DNAH7: variants seen among roughly 807,000 people sequenced by gnomAD.
DNAH7 encodes the protein axonemal beta dynein heavy chain 7.
DNAH7 carries 397 observed loss-of-function variants against 444.6 expected under a neutral mutation model. The observed-to-expected ratio is 0.89, with a 90% CI of 0.82 to 0.97. DNAH7 has a LOEUF of 0.97. Among genes scored for constraint, DNAH7 ranks in the 50% least tolerant of loss-of-function variants. The pLI, the probability that DNAH7 is intolerant of heterozygous loss-of-function variation, is 0.00. For missense variants in DNAH7, 4,902 were observed against 4,800.8 expected (o/e 1.02, Z -0.62); for synonymous variants, 1,636 against 1,624.4 (o/e 1.01, Z -0.17).
chr2:195,960,828 C>A lies in DNAH7; in HGVS notation c.2323G>T (p.Glu775Ter). ...PYLRLYETAV[E>*]FSSNYRAWTE... ...CATGCTCTATAGTTGCTGCTAAATT[C>A]GACAGCAGTTTCATAAAGACGAAGA... Residue 775 changes from glutamate (E) to a stop codon, truncating the protein, a stop_gained, in exon 18 of 65, where the codon GAA becomes TAA. Transcript: ENST00000312428. LOFTEE classifies it high-confidence loss of function. 6.2e-7 allele frequency: 1 copy of A among 1,614,028 alleles called. No homozygotes were observed. The highest frequency in any genetic ancestry group is 8.5e-7 in the Non-Finnish European group (1 of 1,180,014).
Position 195,768,432 on chromosome 2 carries a change from G to A in DNAH7, c.11433+3228C>T, listed in dbSNP as rs182922158. 2.2e-4 allele frequency among the ~76,000 whole-genome samples: 34 copies of A among 151,626 alleles called. 1 individual carries two copies. The East Asian group carries it at 5.6e-3, about 25-fold the overall frequency. On this transcript the variant is annotated intron_variant, in intron 61 of 64. Coordinates refer to ENST00000312428, the MANE Select transcript of DNAH7 (RefSeq NM_018897.3). ...AAACTATCTCACTCTTAATTGATGGGCATTTCATCGTGTATATTATCATAA... is the reference window on the plus strand; with the variant it reads ...AAACTATCTCACTCTTAATTGATGGACATTTCATCGTGTATATTATCATAA...
intron 48 of DNAH7, among the ~76,000 whole-genome samples, chr2:195,831,233 C>A (rs1200508998): frequency 6.6e-6 from 1 of 152,110 alleles, no homozygotes; most frequent in Non-Finnish European, 1.5e-5. Flanking sequence ...TACAGATGTA[C>A]CTTTATTTTC....
At chr2:196,024,542 T>C (rs1695565958) in intron 7 of DNAH7, 38 bp from the exon 8 acceptor site, 1 of 1,249,834 alleles carries the variant, frequency 8.0e-7, no homozygotes, top group Non-Finnish European at 1.1e-6. Flanking sequence ...AATAACCTTA[T>C]ATTAACTGTA....
Position 195,923,774 on chromosome 2 carries a change from G to A in DNAH7, c.3646C>T (p.Gln1216Ter). 4.3e-6 allele frequency: 7 copies of A among 1,614,054 alleles called. No individual in the cohort carries two copies. Among genetic ancestry groups the A allele is most frequent in the Non-Finnish European group, 5.9e-6 (7 of 1,180,006 alleles). The change falls in exon 23 of 65, where the codon CAA becomes TAA. Residue 1216 changes from glutamine to a stop codon, truncating the protein, a stop_gained. Coordinates refer to ENST00000312428, the MANE Select transcript of DNAH7 (RefSeq NM_018897.3). LOFTEE classifies it high-confidence loss of function. ...ACCAAAGTGACAATATCATCAATTTGTCTGTTACATGTTTTCAAGTATTGC... is the reference window on the plus strand; with the variant it reads ...ACCAAAGTGACAATATCATCAATTTATCTGTTACATGTTTTCAAGTATTGC... ...LEQYLKTCNR[Q>*]IDDIVTLVRG... is the part of the protein sequence containing the mutation.
Position 195,775,181 on chromosome 2 carries a change from G to A in DNAH7, c.11202+665C>T, listed in dbSNP as rs1299348964. Among the ~76,000 whole-genome samples, 8 of 152,180 alleles carry A rather than the reference G, an allele frequency of 5.3e-5. No individual in the cohort carries two copies. The East Asian group carries it at 1.3e-3, about 26-fold the overall frequency. On this transcript the variant is annotated intron_variant, in intron 60 of 64. Transcript: ENST00000312428. ...ATTAGCAGATGTTCTTCATTAAAAT[G>A]TACTGACCTGTGCTCACGGCAGCTA... is the stretch of plus-strand genomic sequence containing the variant.
chr2:195,944,902 C>T (rs771462761), intron 19 of DNAH7, among the ~76,000 whole-genome samples: 3 of 151,980 alleles, frequency 2.0e-5, no homozygotes, highest in African/African-American at 4.8e-5. Context: ...ACTTCAAATT[C>T]TTATCATATT....
intron 19 of DNAH7, among the ~76,000 whole-genome samples, chr2:195,942,438 AGAG>A (rs902662205): frequency 6.6e-5 from 10 of 151,700 alleles, no homozygotes; most frequent in African/African-American, 2.4e-4. Context: ...AAGAAGATGA[AGAG>A]GAGGAAGAGG....
In DNAH7 at chr2:196,047,369, A is replaced by C; in HGVS notation, c.381T>G (p.Thr127=). The C allele has an allele frequency of 6.3e-7, 1 of 1,596,566 alleles. No homozygotes were observed. Among genetic ancestry groups the C allele is most frequent in the Non-Finnish European group, 8.5e-7 (1 of 1,170,510 alleles). Residue 127 remains threonine, a synonymous_variant, in exon 5 of 65, where the codon ACT becomes ACG. Transcript: ENST00000312428. ...PHKERENFRS[T]LVNVIMQQDA... is the part of the protein sequence containing the mutation. ...CAACTTACATAATGACATTAACAAG[A>C]GTACTTCTAAAGTTTTCTCGTTCTT...
intron 63 of DNAH7, among the ~76,000 whole-genome samples, chr2:195,749,915 T>A (rs1195365422): frequency 6.6e-6 from 1 of 151,786 alleles, no homozygotes; most frequent in African/African-American, 2.4e-5. Context: ...CACACCAGCA[T>A]GGCACATGTA....
chr2:196,033,066 T>TA (rs771437219), intron 5 of DNAH7, among the ~76,000 whole-genome samples: 6 of 152,196 alleles, frequency 3.9e-5, no homozygotes, highest in Non-Finnish European at 8.8e-5. Flanking sequence ...TCATTCATGA[T>TA]AAAATCTCTC....
chr2:195,884,476 T>C lies in DNAH7; in HGVS notation c.5763+109A>G. ...ATCTTCCTCTATTCTATGCTGTCTC[T>C]TATGGTAAATAGTGATGATGAAGGT... On this transcript the variant is annotated intron_variant, in intron 35 of 64. Coordinates refer to ENST00000312428, the MANE Select transcript of DNAH7 (RefSeq NM_018897.3). The C allele has an allele frequency of 2.6e-6, 2 of 781,380 alleles. 1 individual carries two copies. Among genetic ancestry groups the C allele is most frequent in the South Asian group, 3.4e-5 (2 of 59,064 alleles). The allele number at this position is 781,380 out of a possible 1,614,324, so 48.4% of individuals were successfully genotyped here.
chr2:195,796,880 A>C (rs1696170450), intron 55 of DNAH7, 143 bp from the exon 56 acceptor site: 9 of 812,414 alleles, frequency 1.1e-5, no homozygotes, highest in Middle Eastern at 2.7e-4. Context: ...ATCCCTAAAA[A>C]ACTCTCTTTG....
chr2:195,754,201 A>C, intron 63 of DNAH7, 136 bp downstream of exon 63: 2 of 943,522 alleles, frequency 2.1e-6, no homozygotes, highest in Middle Eastern at 2.4e-4. Context: ...GTATCTCAAT[A>C]ATTTTTTTCT....
Position 195,984,180 on chromosome 2 carries a change from G to A in DNAH7, c.1833+452C>T, listed in dbSNP as rs546263016. On this transcript the variant is annotated intron_variant, in intron 15 of 64. Transcript: ENST00000312428. ...GGGCTTGAGGGACAAGTGGAGCCAA[G>A]TCAACCTGCTGAAGGTTAGTTAGAC... Among the ~76,000 whole-genome samples the A allele has an allele frequency of 2.6e-5, 4 of 152,262 alleles. No individual in the cohort carries two copies. In the East Asian group the frequency reaches 5.8e-4, roughly 22 times the overall value.
intron 24 of DNAH7, among the ~76,000 whole-genome samples, chr2:195,912,888 C>G (rs1163694107): frequency 2.0e-5 from 3 of 152,172 alleles, no homozygotes; most frequent in Non-Finnish European, 4.4e-5. Context: ...AATTCAGGCT[C>G]TCAGCCTGAG....
chr2:195,957,922 C>T (rs943517208), intron 18 of DNAH7, among the ~76,000 whole-genome samples: 1 of 152,016 alleles, frequency 6.6e-6, no homozygotes, highest in South Asian at 2.1e-4. Flanking sequence ...TAAAGGTATT[C>T]CCAATCAAGG....
chr2:195,869,166 TA>T (rs1700529358), intron 40 of DNAH7, among the ~76,000 whole-genome samples: 1 of 151,932 alleles, frequency 6.6e-6, no homozygotes, highest in Non-Finnish European at 1.5e-5. Flanking sequence ...GCGTCCCTTC[TA>T]GAGTGCTTCC....
In DNAH7 at chr2:195,750,217, T is replaced by C. The variant is rs1296305028; in HGVS notation, c.11764+4120A>G. Among the ~76,000 whole-genome samples the C allele has an allele frequency of 6.6e-5, 10 of 152,308 alleles. No individual in the cohort carries two copies. In the East Asian group the frequency reaches 1.9e-3, roughly 29 times the overall value. ...CTTCACCTTCTTTTATAAGAGCTTC[T>C]GTGGATTAAATTAGTAAATCAACGT... On this transcript the variant is annotated intron_variant, in intron 63 of 64. Coordinates refer to ENST00000312428, the MANE Select transcript of DNAH7 (RefSeq NM_018897.3).
At chr2:195,876,426 A>G (rs183499486) in intron 37 of DNAH7, 118 bp downstream of exon 37, 1 of 1,013,842 alleles carries the variant, frequency 9.9e-7, no homozygotes, top group Admixed American at 2.5e-5. Flanking sequence ...TTTTAATCCA[A>G]ATTTGTGACA....
Sources: gnomAD v4.1 joint callset for allele counts (sites outside exome capture counted in the v4.1 genomes callset) on GRCh38, gnomAD v4.1.1 for gene constraint, MANE v1.5 for transcripts, NCBI Gene and HGNC (gene_info 2026-07-23, HGNC 2026-07-21) for gene names.